Variants in NDUFAF2 observed in about 807,000 individuals in gnomAD.
The protein encoded by NDUFAF2 is NADH dehydrogenase [ubiquinone] 1 alpha subcomplex assembly factor 2.
Under a neutral mutation model 22.8 loss-of-function variants are expected in NDUFAF2, and 13 were observed. The ratio of observed to expected loss-of-function variants is 0.57; its 90% CI spans 0.37 to 0.91. The LOEUF (loss-of-function observed/expected upper bound fraction) is 0.91. Ranked by LOEUF, NDUFAF2 falls within the 40% of genes least tolerant of loss-of-function variation. The probability of loss-of-function intolerance (pLI) is 0.01; values close to 1 mark genes in which losing one functional copy is unlikely to be tolerated. For missense variants in NDUFAF2, 162 were observed against 195.2 expected (o/e 0.83, Z 1.01); for synonymous variants, 53 against 64.2 (o/e 0.83, Z 0.84).
intron 1 of NDUFAF2, among the ~76,000 whole-genome samples, chr5:61,011,263 A>G (rs1751439499): frequency 6.6e-6 from 1 of 152,124 alleles, no homozygotes; most frequent in Non-Finnish European, 1.5e-5. Context: ...GCCTCCCCAG[A>G]GGAAGAACTG....
chr5:61,000,982 C>G (rs1192156942), intron 1 of NDUFAF2, among the ~76,000 whole-genome samples: 1 of 152,060 alleles, frequency 6.6e-6, no homozygotes, highest in Non-Finnish European at 1.5e-5. Flanking sequence ...GATTTCTGCT[C>G]CACTTCTTTC....
chr5:61,007,964 A>G (rs1323078695), intron 1 of NDUFAF2, among the ~76,000 whole-genome samples: 2 of 152,054 alleles, frequency 1.3e-5, no homozygotes, highest in Admixed American at 6.6e-5. Flanking sequence ...ATGGAATACT[A>G]TGCAGCCATA....
At chr5:61,135,343 C>T (rs1429770512) in intron 3 of NDUFAF2, among the ~76,000 whole-genome samples, 2 of 151,964 alleles carry the variant, frequency 1.3e-5, no homozygotes, top group Non-Finnish European at 2.9e-5. Context: ...TCTTTTTACA[C>T]CAGAGAGCAA....
intron 1 of NDUFAF2, among the ~76,000 whole-genome samples, chr5:60,955,502 T>C (rs2112564706): frequency 6.6e-6 from 1 of 152,332 alleles, no homozygotes; most frequent in Non-Finnish European, 1.5e-5. Flanking sequence ...GACAGTGTGA[T>C]GCGTCCAGAT....
chr5:61,050,260 G>C (rs1209220216), intron 1 of NDUFAF2: 1 of 151,940 alleles, frequency 6.6e-6, no homozygotes, highest in South Asian at 2.1e-4. Context: ...TGGGGTTTTT[G>C]TAGAAAGGAT....
chr5:61,009,971 C>G (rs1751423578), intron 1 of NDUFAF2, among the ~76,000 whole-genome samples: 1 of 152,094 alleles, frequency 6.6e-6, no homozygotes, highest in Non-Finnish European at 1.5e-5. Context: ...AAGTCAGAAA[C>G]CTGAGAGTCA....
At chr5:61,122,319 T>G (rs1752986020) in intron 3 of NDUFAF2, among the ~76,000 whole-genome samples, 1 of 152,168 alleles carries the variant, frequency 6.6e-6, no homozygotes, top group African/African-American at 2.4e-5. Context: ...GTTTGAAAAC[T>G]TACTAATCTT....
intron 1 of NDUFAF2, among the ~76,000 whole-genome samples, chr5:60,994,001 A>G (rs1751194971): frequency 6.6e-6 from 1 of 152,214 alleles, no homozygotes; most frequent in Non-Finnish European, 1.5e-5. Context: ...TGCCCAGGCT[A>G]TTCATGCCAA....
intron 2 of NDUFAF2, among the ~76,000 whole-genome samples, chr5:61,092,211 G>A (rs181323248): frequency 6.6e-6 from 1 of 152,066 alleles, no homozygotes; most frequent in East Asian, 1.9e-4. Flanking sequence ...CTCTTTTTTG[G>A]TTCCATATGA....
At chr5:61,075,742 A>C (rs1752360969) in intron 2 of NDUFAF2, among the ~76,000 whole-genome samples, 1 of 152,250 alleles carries the variant, frequency 6.6e-6, no homozygotes, top group Admixed American at 6.5e-5. Context: ...AATTATTTTT[A>C]TGGTGGTACA....
intron 3 of NDUFAF2, among the ~76,000 whole-genome samples, chr5:61,101,913 A>C (rs1752709392): frequency 6.6e-6 from 1 of 152,132 alleles, no homozygotes; most frequent in African/African-American, 2.4e-5. Context: ...AAACTGATCC[A>C]CAGTAGTTCT....
At chr5:61,087,049 C>G (rs1752512456) in intron 2 of NDUFAF2, among the ~76,000 whole-genome samples, 1 of 152,118 alleles carries the variant, frequency 6.6e-6, no homozygotes, top group African/African-American at 2.4e-5. Context: ...AGCCCTAACT[C>G]TAAATATGGT....
At chr5:61,093,874 T>C (rs1323245162) in intron 2 of NDUFAF2, among the ~76,000 whole-genome samples, 1 of 152,204 alleles carries the variant, frequency 6.6e-6, no homozygotes, top group African/African-American at 2.4e-5. Flanking sequence ...AGAATTCAGC[T>C]ATGAATCTGT....
intron 1 of NDUFAF2, among the ~76,000 whole-genome samples, chr5:60,952,479 A>G (rs1236634982): frequency 3.3e-5 from 5 of 151,990 alleles, no homozygotes; most frequent in Non-Finnish European, 7.4e-5. Context: ...CTTTACAAAT[A>G]TTTGGAGATT....
chr5:61,114,017 T>C (rs542220817), intron 3 of NDUFAF2, among the ~76,000 whole-genome samples: 1 of 152,180 alleles, frequency 6.6e-6, no homozygotes, highest in South Asian at 2.1e-4. Flanking sequence ...TATATTTGGG[T>C]TAAATCTGCT....
chr5:61,148,956 AT>A (rs1741188499), intron 3 of NDUFAF2, among the ~76,000 whole-genome samples: 1 of 152,140 alleles, frequency 6.6e-6, no homozygotes, highest in Non-Finnish European at 1.5e-5. Flanking sequence ...AGATACTTCC[AT>A]TTGGTATTGT....
intron 1 of NDUFAF2, among the ~76,000 whole-genome samples, chr5:61,062,425 A>G (rs772244920): frequency 6.6e-6 from 1 of 152,154 alleles, no homozygotes; most frequent in East Asian, 1.9e-4. Flanking sequence ...TAAAGATACA[A>G]TTGTCGGCTT....
At chr5:61,052,393 C>T (rs2111700962) in intron 1 of NDUFAF2, among the ~76,000 whole-genome samples, 1 of 152,276 alleles carries the variant, frequency 6.6e-6, no homozygotes, top group East Asian at 1.9e-4. Flanking sequence ...TTACTGCAAG[C>T]TCCGCCTCCC....
intron 3 of NDUFAF2, among the ~76,000 whole-genome samples, chr5:61,142,346 A>G (rs1741072165): frequency 6.6e-6 from 1 of 152,212 alleles, no homozygotes; most frequent in African/African-American, 2.4e-5. Flanking sequence ...TTGAGATTTA[A>G]TAATTAATCT....
Sources: allele counts gnomAD v4.1 joint callset (sites outside exome capture counted in the v4.1 genomes callset), GRCh38; gene constraint gnomAD v4.1.1; transcripts MANE v1.5; gene names NCBI Gene and HGNC (gene_info 2026-07-23, HGNC 2026-07-21).